Variants in PPP1R9A observed in about 807,000 individuals in gnomAD.
The protein encoded by PPP1R9A is protein phosphatase 1 regulatory subunit 9A, also known as neurabin-1.
In PPP1R9A, 59 loss-of-function variants were observed where a neutral mutation model predicts 141.9. That is an observed-to-expected ratio of 0.42 (90% CI 0.34 to 0.52). The LOEUF (loss-of-function observed/expected upper bound fraction) is 0.52, where lower values mean the gene tolerates loss of function less well. Ranked by LOEUF, PPP1R9A falls within the 20% of genes least tolerant of loss-of-function variation. The pLI is 0.10. For synonymous variants in PPP1R9A, 500 were observed against 569.7 expected (o/e 0.88, Z 1.74); for missense variants, 1,444 against 1,611.9 (o/e 0.90, Z 1.78).
rs765583840 is a variant in PPP1R9A, at chr7:95,161,966, C to T, written c.1749C>T (p.Asn583=). Residue 583 remains asparagine, a synonymous_variant, in exon 5 of 20, where the codon AAC becomes AAT. Coordinates refer to ENST00000433360, the MANE Select transcript of PPP1R9A (RefSeq NM_001166160.2). ...CAGTTCTCAGAAACACCAAGGGCAA[C>T]GTCAGGTAAATACGTGCCTTCTAAT... is the stretch of plus-strand genomic sequence containing the variant. ...AATVLRNTKG[N]VRFVIGREKP... is the part of the protein sequence containing the mutation. The T allele has an allele frequency of 1.1e-5, 17 of 1,602,424 alleles. No homozygotes were observed. The highest frequency in any genetic ancestry group is 3.4e-5 in the Admixed American group (2 of 59,234).
intron 6 of PPP1R9A, among the ~76,000 whole-genome samples, chr7:95,199,016 G>A (rs1788936614): frequency 6.6e-6 from 1 of 152,122 alleles, no homozygotes; most frequent in Non-Finnish European, 1.5e-5. Flanking sequence ...CTAACATAAT[G>A]CAGAACAAAG....
At chr7:95,223,677 G>A (rs572180140) in intron 7 of PPP1R9A, among the ~76,000 whole-genome samples, 39 of 152,022 alleles carry the variant, frequency 2.6e-4, no homozygotes, top group Non-Finnish European at 5.0e-4. Context: ...TGTTTAAAAC[G>A]TGCCACATTG....
At position 95,290,427 on chromosome 7, in the gene PPP1R9A, G is replaced by A. The variant is rs1806201115; in HGVS notation, c.*124G>A. On this transcript the variant is annotated 3_prime_UTR_variant, in exon 20 of 20. Coordinates refer to ENST00000433360, the MANE Select transcript of PPP1R9A (RefSeq NM_001166160.2). The stretch of plus-strand genomic sequence containing the variant: ...AGGGTAATGCGGCTCTAGGCCGGCT[G>A]AGGAACTGTGTGTTGAATAACTGCA... 7.3e-6 allele frequency: 8 copies of A among 1,099,038 alleles called. No homozygotes were observed. The highest frequency in any genetic ancestry group is 2.6e-5 in the East Asian group (1 of 38,386). 68.1% of individuals were successfully genotyped at this position (1,099,038 alleles called of 1,614,324 possible).
Position 94,930,271 on chromosome 7 carries a change from A to T in PPP1R9A, c.1395+18763A>T. 1.3e-5 allele frequency among the ~76,000 whole-genome samples: 2 copies of T among 152,174 alleles called. 1 individual carries two copies. ...ATTTTGGAGAAATAGAGTTTGAGAAATAGCGCTTCAGAGAAAGTTTGGAGA... is the reference window on the plus strand; with the variant it reads ...ATTTTGGAGAAATAGAGTTTGAGAATTAGCGCTTCAGAGAAAGTTTGGAGA... On this transcript the variant is annotated intron_variant, in intron 2 of 19. Transcript: ENST00000433360.
At chr7:95,169,995 C>T (rs910130568) in intron 5 of PPP1R9A, among the ~76,000 whole-genome samples, 17 of 151,142 alleles carry the variant, frequency 1.1e-4, no homozygotes, top group African/African-American at 4.1e-4. Flanking sequence ...TTCAAAAATA[C>T]AATAAGGTAG....
intron 10 of PPP1R9A, among the ~76,000 whole-genome samples, 170 bp downstream of exon 10, chr7:95,250,425 T>A (rs1798714903): frequency 6.6e-6 from 1 of 152,236 alleles, no homozygotes; most frequent in Admixed American, 6.5e-5. Context: ...GTCACTTCTA[T>A]CACTTTTTCA....
Position 95,216,099 on chromosome 7 carries a change from G to A in PPP1R9A, c.1957-9862G>A, listed in dbSNP as rs183801006. Among the ~76,000 whole-genome samples the A allele has an allele frequency of 3.5e-3, 537 of 152,246 alleles. 5 individuals are homozygous for A. Among genetic ancestry groups the A allele is most frequent in the Non-Finnish European group, 4.8e-3 (325 of 68,024 alleles). On this transcript the variant is annotated intron_variant, in intron 7 of 19. Transcript: ENST00000433360. ...TAGGTTTTCCTCTAGGGTTTTTATG[G>A]TTTTAGGTCTAACATTTAAGTCTTT...
chr7:94,988,321 T>G (rs1407865603), intron 2 of PPP1R9A, among the ~76,000 whole-genome samples: 1 of 152,154 alleles, frequency 6.6e-6, no homozygotes, highest in African/African-American at 2.4e-5. Flanking sequence ...TCTTCTCATA[T>G]TCTGGTGCTT....
At chr7:95,227,619 T>C (rs998084113) in intron 8 of PPP1R9A, among the ~76,000 whole-genome samples, 4 of 152,148 alleles carry the variant, frequency 2.6e-5, no homozygotes, top group African/African-American at 9.7e-5. Context: ...AACAGCAAAG[T>C]TGAGTAGTTG....
intron 2 of PPP1R9A, among the ~76,000 whole-genome samples, chr7:95,053,593 G>A (rs1454589162): frequency 6.6e-6 from 1 of 152,186 alleles, no homozygotes; most frequent in African/African-American, 2.4e-5. Flanking sequence ...AACTATGATG[G>A]GAGAGGGGGA....
At chr7:95,201,336 A>G (rs1789524470) in intron 6 of PPP1R9A, among the ~76,000 whole-genome samples, 1 of 152,164 alleles carries the variant, frequency 6.6e-6, no homozygotes, top group Admixed American at 6.5e-5. Context: ...TCTCCTTTGT[A>G]TCTGTCTCTC....
At chr7:95,195,464 G>A (rs979064915) in intron 5 of PPP1R9A, among the ~76,000 whole-genome samples, 28 of 149,782 alleles carry the variant, frequency 1.9e-4, no homozygotes, top group African/African-American at 6.6e-4. Flanking sequence ...TTTTTTTAAG[G>A]GACGGGTCTC....
At chr7:95,217,755 C>G (rs981047960) in intron 7 of PPP1R9A, among the ~76,000 whole-genome samples, 1 of 152,074 alleles carries the variant, frequency 6.6e-6, no homozygotes, top group Non-Finnish European at 1.5e-5. Context: ...AGTTTATTTG[C>G]GTAGATGTGT....
chr7:95,190,761 T>C (rs1472330826), intron 5 of PPP1R9A, among the ~76,000 whole-genome samples: 2 of 152,222 alleles, frequency 1.3e-5, no homozygotes, highest in Non-Finnish European at 2.9e-5. Flanking sequence ...TTCTTTTAGT[T>C]TTCCTGGTAC....
intron 2 of PPP1R9A, among the ~76,000 whole-genome samples, chr7:95,046,319 T>C (rs1432738508): frequency 6.6e-6 from 1 of 152,126 alleles, no homozygotes; most frequent in East Asian, 1.9e-4. Context: ...GTTCTTGGTC[T>C]TGGACTTCAA....
chr7:95,050,319 TTTG>T (rs199763861), intron 2 of PPP1R9A, among the ~76,000 whole-genome samples: 2,254 of 152,316 alleles, frequency 0.015, 48 homozygotes, highest in African/African-American at 0.051. Flanking sequence ...AATTGATTGT[TTTG>T]TTATTGTTGG....
Position 95,251,766 on chromosome 7 carries a change from C to T in PPP1R9A, c.2401C>T (p.Leu801Phe), listed in dbSNP as rs1338239428. ...AACTATTATTTTCTTCTTAAGAGAG[C>T]TTGATTTCATCAAAAGACAGGAAGC... ...KLIKDFQQKE[L>F]DFIKRQEAER... The change falls in exon 11 of 20, where the codon CTT (leucine) becomes TTT (phenylalanine). Residue 801 changes from leucine (L) to phenylalanine (F), a missense_variant. By Grantham distance (22) the Leu-to-Phe change is conservative. Coordinates refer to ENST00000433360, the MANE Select transcript of PPP1R9A (RefSeq NM_001166160.2). The T allele has an allele frequency of 6.2e-7, 1 of 1,612,266 alleles. No individual in the cohort carries two copies. The highest frequency in any genetic ancestry group is 2.2e-5 in the East Asian group (1 of 44,768).
At chr7:94,942,846 TAAATA>T (rs1371003211) in intron 2 of PPP1R9A, among the ~76,000 whole-genome samples, 4 of 145,402 alleles carry the variant, frequency 2.8e-5, no homozygotes, top group African/African-American at 5.4e-5. Context: ...AATAAATAAA[TAAATA>T]AATAAAAGTT....
chr7:95,225,313 C>G (rs1794987612), intron 7 of PPP1R9A, among the ~76,000 whole-genome samples: 1 of 152,138 alleles, frequency 6.6e-6, no homozygotes, highest in Non-Finnish European at 1.5e-5. Context: ...AGCTGGAAAT[C>G]TAGAACTTTA....
Sources: allele counts gnomAD v4.1 joint callset (sites outside exome capture counted in the v4.1 genomes callset), GRCh38; gene constraint gnomAD v4.1.1; transcripts MANE v1.5; gene names NCBI Gene and HGNC (gene_info 2026-07-23, HGNC 2026-07-21).